The following PCDH15 variants were observed in gnomAD, a reference collection of about 807,000 sequenced individuals.
PCDH15 encodes the protein protocadherin-15.
In PCDH15, 129 loss-of-function variants were observed where a neutral mutation model predicts 178.5. That is an observed-to-expected ratio of 0.72 (90% CI 0.63 to 0.84). The LOEUF (loss-of-function observed/expected upper bound fraction) is 0.84. Among genes scored for constraint, PCDH15 ranks in the 40% least tolerant of loss-of-function variants. PCDH15 has a pLI of 0.00. For synonymous variants in PCDH15, 800 were observed against 732.0 expected, an observed-to-expected ratio of 1.09 and a Z score of -1.50; for missense variants, 2,230 against 2,099.9, an observed-to-expected ratio of 1.06 and a Z score of -1.21.
At chr10:54,580,341 T>G (rs754464090) in intron 2 of PCDH15, among the ~76,000 whole-genome samples, 15 of 152,078 alleles carry the variant, frequency 9.9e-5, no homozygotes, top group South Asian at 2.1e-4. Flanking sequence ...GAACACTGGA[T>G]GCACACGAAC....
At chr10:55,600,062 A>G (rs557430521) in intron 2 of PCDH15, 1 of 924,058 alleles carries the variant, frequency 1.1e-6, no homozygotes, top group East Asian at 3.2e-5. Context: ...TCATCCCTGC[A>G]TTAAAAATTT....
chr10:54,470,426 G>C (rs555528946), intron 3 of PCDH15, among the ~76,000 whole-genome samples: 1 of 152,208 alleles, frequency 6.6e-6, no homozygotes, highest in African/African-American at 2.4e-5. Context: ...GGCGTTCTAG[G>C]AATCTGGAGA....
intron 2 of PCDH15, chr10:55,597,227 A>G (rs1013298132): frequency 1.3e-5 from 2 of 152,080 alleles, no homozygotes; most frequent in African/African-American, 4.8e-5. Context: ...AGGGCATAAC[A>G]ATCAATACAC....
intron 3 of PCDH15, among the ~76,000 whole-genome samples, chr10:54,523,941 C>T (rs1046788599): frequency 5.9e-5 from 9 of 152,056 alleles, no homozygotes; most frequent in Admixed American, 5.9e-4. Flanking sequence ...AATCTAAGAC[C>T]TCAAGAGAGC....
chr10:54,858,194 A>G (rs185633657), intron 3 of PCDH15, among the ~76,000 whole-genome samples: 38 of 152,316 alleles, frequency 2.5e-4, no homozygotes, highest in South Asian at 1.0e-3. Context: ...TTGTTTCACT[A>G]AGAATAAAGA....
At chr10:54,201,560 T>TAA (rs1591133887) in intron 10 of PCDH15, among the ~76,000 whole-genome samples, 2 of 152,238 alleles carry the variant, frequency 1.3e-5, no homozygotes, top group Admixed American at 6.5e-5. Context: ...ATAAACACTG[T>TAA]AAATGTATCA....
intron 8 of PCDH15, among the ~76,000 whole-genome samples, chr10:54,246,563 A>T (rs1417738520): frequency 6.6e-6 from 1 of 151,880 alleles, no homozygotes; most frequent in East Asian, 1.9e-4. Context: ...AATACATCAT[A>T]TTTTATATGT....
chr10:54,824,761 G>GA (rs1953098399), intron 3 of PCDH15, among the ~76,000 whole-genome samples: 1 of 152,048 alleles, frequency 6.6e-6, no homozygotes, highest in Non-Finnish European at 1.5e-5. Context: ...GCATAGGGAG[G>GA]AAATAGACAG....
chr10:54,073,133 G>C lies in PCDH15; in HGVS notation c.2091+6198C>G, dbSNP rs144791306. Among the ~76,000 whole-genome samples, 1,220 of 151,526 alleles carry C rather than the reference G, an allele frequency of 8.1e-3. 16 individuals carry two copies. Among genetic ancestry groups the C allele is most frequent in the African/African-American group, 0.028 (1,167 of 41,200 alleles). ...GTGTGTAAAGATTATATATGTATGT[G>C]TGTATGTATGTATACACATTTTATG... On this transcript the variant is annotated intron_variant, in intron 17 of 37. Coordinates refer to ENST00000644397, the MANE Select transcript of PCDH15 (RefSeq NM_001384140.1).
Position 54,033,427 on chromosome 10 carries a change from C to A in PCDH15, c.2221-10230G>T, listed in dbSNP as rs115101689. 6.2e-3 allele frequency among the ~76,000 whole-genome samples: 943 copies of A among 151,964 alleles called. 6 individuals are homozygous for A. The highest frequency in any genetic ancestry group is 0.022 in the African/African-American group (900 of 41,476). Reference sequence around the variant, plus strand: ...GATTTTCCACATTGGAAATGATCTACCACCGTTGAGAATGCATGCTCTAGC... The same window carrying A: ...GATTTTCCACATTGGAAATGATCTAACACCGTTGAGAATGCATGCTCTAGC... On this transcript the variant is annotated intron_variant, in intron 18 of 37. Transcript: ENST00000644397.
At chr10:53,901,263 G>A (rs1482004334) in intron 26 of PCDH15, among the ~76,000 whole-genome samples, 1 of 151,942 alleles carries the variant, frequency 6.6e-6, no homozygotes, top group Non-Finnish European at 1.5e-5. Flanking sequence ...CAAGAATTAG[G>A]TTTCTGTATT....
Position 55,103,554 on chromosome 10 carries a change from C to T in PCDH15, c.-80+63022G>A, listed in dbSNP as rs117405656. On this transcript the variant is annotated intron_variant, in intron 2 of 5. Coordinates refer to the PCDH15 transcript ENST00000458638. ...ATGTATAACATCTGGACAGTTTTCTCCAGCAGAAATTTGTATTGGGCCTCA... is the reference window on the plus strand; with the variant it reads ...ATGTATAACATCTGGACAGTTTTCTTCAGCAGAAATTTGTATTGGGCCTCA... 6.6e-3 allele frequency among the ~76,000 whole-genome samples: 1,001 copies of T among 152,240 alleles called. 9 individuals carry two copies. The highest frequency in any genetic ancestry group is 0.04 in the South Asian group (194 of 4,828).
intron 1 of PCDH15, among the ~76,000 whole-genome samples, chr10:54,739,327 A>C (rs1591377023): frequency 6.6e-6 from 1 of 151,766 alleles, no homozygotes; most frequent in African/African-American, 2.4e-5. Context: ...AGCTACCAAA[A>C]ACAAACAAAC....
At chr10:54,556,723 G>A (rs1389846691) in intron 2 of PCDH15, among the ~76,000 whole-genome samples, 2 of 149,556 alleles carry the variant, frequency 1.3e-5, no homozygotes, top group African/African-American at 4.9e-5. Context: ...CCACTCCATA[G>A]AGATTTCATA....
At chr10:54,032,292 C>A (rs2093315278) in intron 18 of PCDH15, among the ~76,000 whole-genome samples, 1 of 151,958 alleles carries the variant, frequency 6.6e-6, no homozygotes, top group South Asian at 2.1e-4. Flanking sequence ...CATCTTCATG[C>A]TCCTGAAGCT....
At chr10:55,288,392 C>T (rs904598406) in intron 1 of PCDH15, among the ~76,000 whole-genome samples, 2 of 151,718 alleles carry the variant, frequency 1.3e-5, no homozygotes, top group African/African-American at 4.8e-5. Flanking sequence ...CAGAGAAAAA[C>T]TGAAGAAACG....
intron 2 of PCDH15, among the ~76,000 whole-genome samples, chr10:55,426,554 G>A (rs968511012): frequency 6.6e-6 from 1 of 152,136 alleles, no homozygotes; most frequent in African/African-American, 2.4e-5. Flanking sequence ...GTGCTCTTTA[G>A]CTCGGCCGTC....
intron 2 of PCDH15, among the ~76,000 whole-genome samples, chr10:55,621,821 C>A (rs1837397622): frequency 1.3e-5 from 2 of 150,488 alleles, no homozygotes; most frequent in Non-Finnish European, 2.9e-5. Context: ...AAAAAAAGTT[C>A]AATAAATATA....
chr10:54,788,153 G>C (rs1253434454), intron 1 of PCDH15, among the ~76,000 whole-genome samples: 1 of 151,734 alleles, frequency 6.6e-6, no homozygotes, highest in Admixed American at 6.6e-5. Context: ...GAATTAACAG[G>C]AAAAAATATA....
Sources: gnomAD v4.1 joint callset for allele counts (sites outside exome capture counted in the v4.1 genomes callset) on GRCh38, gnomAD v4.1.1 for gene constraint, MANE v1.5 for transcripts, NCBI Gene and HGNC (gene_info 2026-07-23, HGNC 2026-07-21) for gene names.